The following HEATR5A variants were observed in gnomAD, a reference collection of about 807,000 sequenced individuals.
HEATR5A encodes HEAT repeat containing 5A, also known as HEAT repeat-containing protein 5A.
HEATR5A carries 178 observed loss-of-function variants against 218.8 expected under a neutral mutation model. The observed-to-expected ratio is 0.81, with a 90% CI of 0.72 to 0.92. The LOEUF (loss-of-function observed/expected upper bound fraction) is 0.92, where lower values mean the gene tolerates loss of function less well. Ranked by LOEUF, HEATR5A falls within the 40% of genes least tolerant of loss-of-function variation. The probability of loss-of-function intolerance (pLI) is 0.00; values close to 1 mark genes in which losing one functional copy is unlikely to be tolerated. For missense variants in HEATR5A, 2,420 were observed against 2,418.9 expected (o/e 1.00, Z -0.01); for synonymous variants, 864 against 871.6 (o/e 0.99, Z 0.15).
chr14:31,324,374 C>G (rs918475876), intron 23 of HEATR5A, among the ~76,000 whole-genome samples: 4 of 152,220 alleles, frequency 2.6e-5, no homozygotes, highest in East Asian at 1.9e-4. Context: ...AACTGTTACA[C>G]TTACAAACTG....
rs1901156572 is a variant in HEATR5A at position 31,349,828 on chromosome 14, C to T, written c.2669G>A (p.Gly890Glu). Residue 890 changes from glycine to glutamate, a missense_variant, in exon 18 of 36, where the codon GGA (glycine) becomes GAA (glutamate). By Grantham distance (98) the Gly-to-Glu change is moderately conservative. Transcript: ENST00000543095. The stretch of plus-strand genomic sequence containing the variant: ...TTGAGCTAATCCAGCAGTAAAAGCT[C>T]CATCATCTACCACTTGGGCTAATCT... ...WARLAQVVDD[G>E]AFTAGLAQVS... 2.5e-6 allele frequency: 4 copies of T among 1,612,954 alleles called. No individual in the cohort carries two copies. The highest frequency in any genetic ancestry group is 1.1e-5 in the South Asian group (1 of 90,976).
rs1309183098 is a variant in HEATR5A at position 31,402,722 on chromosome 14, AT to A, written c.126+127del. 3.6e-6 allele frequency: 3 copies of A among 835,414 alleles called. No homozygotes were observed. The Admixed American group carries it at 9.1e-5, about 25-fold the overall frequency. The allele number at this position is 835,414 out of a possible 1,614,324, so 51.8% of individuals were successfully genotyped here. ...GGGAACAAAAAATGTAATATACTTCATTAAGTTTTAACAAAGTCTAACATTG... is the reference window on the plus strand; with the variant it reads ...GGGAACAAAAAATGTAATATACTTCATAAGTTTTAACAAAGTCTAACATTG... On this transcript the variant is annotated intron_variant, in intron 2 of 35. Transcript: ENST00000543095.
chr14:31,370,899 C>T (rs561577114), intron 13 of HEATR5A, among the ~76,000 whole-genome samples: 22 of 152,254 alleles, frequency 1.4e-4, no homozygotes, highest in Admixed American at 1.2e-3. Context: ...ATGTGATACA[C>T]TTTTTTAAAA....
intron 31 of HEATR5A, among the ~76,000 whole-genome samples, chr14:31,305,595 T>C (rs1337831685): frequency 6.6e-6 from 1 of 152,144 alleles, no homozygotes; most frequent in Non-Finnish European, 1.5e-5. Flanking sequence ...ATTTTGGGTG[T>C]TAAAGACTGA....
intron 12 of HEATR5A, 57 bp from the exon 13 acceptor site, chr14:31,371,966 A>G: frequency 1.3e-6 from 1 of 742,940 alleles, no homozygotes; most frequent in Non-Finnish European, 2.2e-6. Flanking sequence ...TGAAAGGCAC[A>G]TTTGATTATG....
chr14:31,339,007 C>A (rs1178124216), intron 21 of HEATR5A, among the ~76,000 whole-genome samples: 1 of 151,652 alleles, frequency 6.6e-6, no homozygotes, highest in Admixed American at 6.6e-5. Context: ...GTAATCCCTG[C>A]TACTCGGGAG....
In HEATR5A at chr14:31,298,836, C is replaced by T. The variant is rs148503269; in HGVS notation, c.5465-2773G>A. Among the ~76,000 whole-genome samples, 779 of 152,182 alleles carry T rather than the reference C, an allele frequency of 5.1e-3. 5 individuals carry two copies. The highest frequency in any genetic ancestry group is 0.018 in the African/African-American group (740 of 41,488). Reference sequence around the variant, plus strand: ...CCTTAAAAAAAAGTTATCCCTTGACCTTACACTTTCCATTTAGCTATTTCT... The same window carrying T: ...CCTTAAAAAAAAGTTATCCCTTGACTTTACACTTTCCATTTAGCTATTTCT... On this transcript the variant is annotated intron_variant, in intron 33 of 35. Transcript: ENST00000543095.
At chr14:31,310,446 C>T (rs183054724) in intron 28 of HEATR5A, among the ~76,000 whole-genome samples, 3 of 152,232 alleles carry the variant, frequency 2.0e-5, no homozygotes, top group South Asian at 4.1e-4. Context: ...TCGAGACCAG[C>T]CTGGCTAACA....
chr14:31,336,692 AAGTG>A (rs1238081597), intron 22 of HEATR5A, among the ~76,000 whole-genome samples: 1 of 152,182 alleles, frequency 6.6e-6, no homozygotes, highest in Non-Finnish European at 1.5e-5. Context: ...AATTTTATGA[AAGTG>A]AGATTCTGCG....
At chr14:31,365,426 T>C (rs997988902) in intron 13 of HEATR5A, among the ~76,000 whole-genome samples, 1 of 151,974 alleles carries the variant, frequency 6.6e-6, no homozygotes, top group Non-Finnish European at 1.5e-5. Flanking sequence ...AGTGACGCGA[T>C]CTTGGCTCAC....
In HEATR5A at chr14:31,305,109, C is replaced by G. The variant is rs754326321; in HGVS notation, c.5035G>C (p.Val1679Leu). 2 of 1,614,000 alleles carry G rather than the reference C, an allele frequency of 1.2e-6. No homozygotes were observed. Among genetic ancestry groups the G allele is most frequent in the Middle Eastern group, 1.7e-4 (1 of 6,060 alleles). ...FGEGKDTGGL[V>L]PGKSLVFATL... is the part of the protein sequence containing the mutation. ...GCAAAGACCAAAGACTTTCCAGGCA[C>G]AAGTCCTCCGGTGTCCTTTCCCTCT... Residue 1679 changes from valine (V) to leucine (L), a missense_variant, in exon 32 of 36, where the codon GTG (valine) becomes CTG (leucine). Physicochemically the swap from Val to Leu is conservative, Grantham distance 32. Coordinates refer to ENST00000543095, the MANE Select transcript of HEATR5A (RefSeq NM_015473.4).
chr14:31,331,452 T>C (rs1278720667), intron 22 of HEATR5A, among the ~76,000 whole-genome samples: 1 of 152,156 alleles, frequency 6.6e-6, no homozygotes, highest in African/African-American at 2.4e-5. Flanking sequence ...AGCATTTTGG[T>C]CAAAGCCATT....
At chr14:31,375,391 A>G (rs1310426464) in intron 11 of HEATR5A, among the ~76,000 whole-genome samples, 1 of 152,150 alleles carries the variant, frequency 6.6e-6, no homozygotes, top group East Asian at 1.9e-4. Flanking sequence ...AACAAACAAC[A>G]TTGCATGCTT....
In HEATR5A at chr14:31,293,490, G is replaced by A; in HGVS notation, c.5956C>T (p.Gln1986Ter). Residue 1986 changes from glutamine to a stop codon, truncating the protein, a stop_gained, in exon 36 of 36, where the codon CAA (glutamine) becomes TAA (stop). Coordinates refer to ENST00000543095, the MANE Select transcript of HEATR5A (RefSeq NM_015473.4). LOFTEE classifies it high-confidence loss of function. ...ACAGATGAATACTGAGGTCCAATTT[G>A]CATGAGATTTTGTAGAGCAAAGTCA... ...LHDFALQNLM[Q>*]IGPQYSSVFK... 6.2e-7 allele frequency: 1 copy of A among 1,613,906 alleles called. No individual in the cohort carries two copies. Among genetic ancestry groups the A allele is most frequent in the Non-Finnish European group, 8.5e-7 (1 of 1,179,826 alleles).
intron 13 of HEATR5A, among the ~76,000 whole-genome samples, chr14:31,369,609 A>AG: frequency 1.3e-4 from 2 of 15,736 alleles, no homozygotes; most frequent in Non-Finnish European, 3.7e-4. Flanking sequence ...AAACTGTCTC[A>AG]AAAAAAAAAA....
Position 31,302,341 on chromosome 14 carries a change from G to C in HEATR5A, c.5418C>G (p.Asp1806Glu), listed in dbSNP as rs1307243948. 6.2e-7 allele frequency: 1 copy of C among 1,604,230 alleles called. No individual in the cohort carries two copies. Among genetic ancestry groups the C allele is most frequent in the South Asian group, 1.1e-5 (1 of 88,974 alleles). ...RAEKSRTAWT[D>E]LLRSALTTIL... ...TTGTTGTTAAGGCACTTCGGAGAAG[G>C]TCAGTCCAAGCAGTACGGCTCTTTT... The change falls in exon 33 of 36, where the codon GAC becomes GAG. Residue 1806 changes from aspartate (D) to glutamate (E), a missense_variant. Asp to Glu is a conservative substitution (Grantham distance 45, BLOSUM62 2). Coordinates refer to ENST00000543095, the MANE Select transcript of HEATR5A (RefSeq NM_015473.4).
intron 1 of HEATR5A, among the ~76,000 whole-genome samples, chr14:31,415,447 G>C (rs1357358315): frequency 2.6e-5 from 4 of 152,190 alleles, no homozygotes; most frequent in Admixed American, 6.5e-5. Context: ...TGATATTTCT[G>C]CAGCAAAAGA....
At chr14:31,355,027 G>A (rs1377165329) in intron 16 of HEATR5A, among the ~76,000 whole-genome samples, 3 of 152,134 alleles carry the variant, frequency 2.0e-5, no homozygotes, top group Admixed American at 6.5e-5. Context: ...AATTTGCCTG[G>A]ATAATTCCAA....
chr14:31,344,469 G>A (rs1247814898), intron 20 of HEATR5A, among the ~76,000 whole-genome samples: 9 of 140,568 alleles, frequency 6.4e-5, no homozygotes, highest in Admixed American at 1.5e-4. Flanking sequence ...TAGCAGAGAC[G>A]GGGTTTCACC....
Sources: gnomAD v4.1 joint callset for allele counts (sites outside exome capture counted in the v4.1 genomes callset) on GRCh38, gnomAD v4.1.1 for gene constraint, MANE v1.5 for transcripts, NCBI Gene and HGNC (gene_info 2026-07-23, HGNC 2026-07-21) for gene names.